The following ITPR2 variants were observed in gnomAD, a reference collection of about 807,000 sequenced individuals.
The protein encoded by ITPR2 is inositol 1,4,5-trisphosphate receptor type 2.
ITPR2 carries 207 observed loss-of-function variants against 317.1 expected under a neutral mutation model. The ratio of observed to expected loss-of-function variants is 0.65; its 90% CI spans 0.58 to 0.73. The LOEUF (loss-of-function observed/expected upper bound fraction) is 0.73, where lower values mean the gene tolerates loss of function less well. Among genes scored for constraint, ITPR2 ranks in the 30% least tolerant of loss-of-function variants. The probability of loss-of-function intolerance (pLI) is 0.00; values close to 1 mark genes in which losing one functional copy is unlikely to be tolerated. For synonymous variants in ITPR2, 1,156 were observed against 1,149.1 expected, an observed-to-expected ratio of 1.01 and a Z score of -0.12; for missense variants, 2,613 against 3,284.0, an observed-to-expected ratio of 0.80 and a Z score of 4.99.
chr12:26,777,591 T>C (rs1949997361), intron 2 of ITPR2, among the ~76,000 whole-genome samples: 2 of 152,330 alleles, frequency 1.3e-5, no homozygotes, highest in South Asian at 4.1e-4. Context: ...CATTGGCTAA[T>C]TAATCACGGT....
At chr12:26,612,574 G>A (rs754326064) in intron 26 of ITPR2, among the ~76,000 whole-genome samples, 1 of 151,982 alleles carries the variant, frequency 6.6e-6, no homozygotes, top group Non-Finnish European at 1.5e-5. Flanking sequence ...TCTCATTTTT[G>A]TTCCCCTTAT....
Position 26,534,636 on chromosome 12 carries a change from C to T in ITPR2, c.5073+15611G>A, listed in dbSNP as rs527511199. On this transcript the variant is annotated intron_variant, in intron 37 of 56. Transcript: ENST00000381340. ...TTATGAAAACCAGAGAATGGAGCTT[C>T]TCTCTCAAGATTTTATGATGTAAAT... 3.1e-4 allele frequency among the ~76,000 whole-genome samples: 47 copies of T among 152,292 alleles called. No individual in the cohort carries two copies. The South Asian group carries it at 4.8e-3, about 15-fold the overall frequency.
At chr12:26,515,308 C>G (rs1406233538) in intron 37 of ITPR2, among the ~76,000 whole-genome samples, 1 of 152,156 alleles carries the variant, frequency 6.6e-6, no homozygotes, top group East Asian at 1.9e-4. Flanking sequence ...AGCAGCATGT[C>G]TCTCATTTTC....
intron 35 of ITPR2, among the ~76,000 whole-genome samples, chr12:26,557,332 G>A (rs1944690580): frequency 1.3e-5 from 2 of 152,114 alleles, no homozygotes; most frequent in African/African-American, 2.4e-5. Flanking sequence ...CATTCTCAGG[G>A]GATGAGCCCC....
At position 26,644,834 on chromosome 12, in the gene ITPR2, G is replaced by A. The variant is rs1195957638; in HGVS notation, c.2740+9142C>T. Among the ~76,000 whole-genome samples, 9 of 152,160 alleles carry A rather than the reference G, an allele frequency of 5.9e-5. 1 individual carries two copies. In the South Asian group the frequency reaches 8.3e-4, roughly 14 times the overall value. ...TGGACCTCCTAGCCTCCTGAACTGT[G>A]AGAAATAATTGCTTGTTGTTTACAA... On this transcript the variant is annotated intron_variant, in intron 21 of 56. Coordinates refer to ENST00000381340, the MANE Select transcript of ITPR2 (RefSeq NM_002223.4).
intron 9 of ITPR2, among the ~76,000 whole-genome samples, chr12:26,710,251 C>T (rs1318347425): frequency 2.6e-5 from 4 of 152,212 alleles, no homozygotes. Flanking sequence ...GCCAGCATCA[C>T]TTACCCTGTG....
intron 49 of ITPR2, among the ~76,000 whole-genome samples, chr12:26,426,312 C>T (rs1261952580): frequency 2.0e-5 from 3 of 152,082 alleles, no homozygotes; most frequent in African/African-American, 7.2e-5. Flanking sequence ...AAGTCAAACA[C>T]ATAGGCTTAG....
chr12:26,380,465 CT>C (rs1371954286), intron 55 of ITPR2, among the ~76,000 whole-genome samples: 1 of 151,990 alleles, frequency 6.6e-6, no homozygotes, highest in African/African-American at 2.4e-5. Context: ...TGGTATCTCC[CT>C]GAACGCTCAA....
At chr12:26,523,108 T>C (rs1943709347) in intron 37 of ITPR2, among the ~76,000 whole-genome samples, 1 of 152,194 alleles carries the variant, frequency 6.6e-6, no homozygotes, top group Non-Finnish European at 1.5e-5. Flanking sequence ...CATCATTGAT[T>C]TTGGTTGTTC....
intron 45 of ITPR2, among the ~76,000 whole-genome samples, chr12:26,450,513 T>G (rs1386663408): frequency 1.3e-5 from 2 of 152,132 alleles, no homozygotes; most frequent in Admixed American, 6.5e-5. Context: ...ATTACTACCC[T>G]GTTAGTAGGG....
At chr12:26,658,411 A>T (rs1947422957) in intron 16 of ITPR2, among the ~76,000 whole-genome samples, 1 of 152,216 alleles carries the variant, frequency 6.6e-6, no homozygotes, top group Admixed American at 6.5e-5. Context: ...TATGTTTAGA[A>T]AATCATTCAT....
In ITPR2 at chr12:26,415,361, A is replaced by G. The variant is rs760097640; in HGVS notation, c.7248T>C (p.Phe2416=). The change falls in exon 51 of 57, where the codon TTT becomes TTC. Residue 2416 remains phenylalanine (F), a synonymous_variant. Coordinates refer to ENST00000381340, the MANE Select transcript of ITPR2 (RefSeq NM_002223.4). ...VYLFSIIGFL[F]LKDDFTMEVD... is the part of the protein sequence containing the mutation. ...CTTCCATAGTGAAGTCATCCTTCAA[A>G]AAAAGGAACCCAATAATGGAAAACA... 8.1e-6 allele frequency: 13 copies of G among 1,612,506 alleles called. No homozygotes were observed. Among genetic ancestry groups the G allele is most frequent in the Non-Finnish European group, 9.3e-6 (11 of 1,179,194 alleles).
Position 26,711,283 on chromosome 12 carries a change from A to G in ITPR2, c.856-15T>C, listed in dbSNP as rs1339061605. ...TGATGAACCACCTACAAAGAGAGCA[A>G]CGATAGTAATGGCAAAACAATATTT... On this transcript the variant is annotated splice_polypyrimidine_tract_variant and intron_variant, in intron 8 of 56. Coordinates refer to ENST00000381340, the MANE Select transcript of ITPR2 (RefSeq NM_002223.4). The G allele has an allele frequency of 1.3e-6, 2 of 1,569,396 alleles. No homozygotes were observed. Among genetic ancestry groups the G allele is most frequent in the Non-Finnish European group, 1.8e-6 (2 of 1,139,160 alleles).
chr12:26,649,750 T>TC (rs897897468), intron 21 of ITPR2, among the ~76,000 whole-genome samples: 1 of 151,760 alleles, frequency 6.6e-6, no homozygotes, highest in African/African-American at 2.4e-5. Flanking sequence ...CACAGCATTA[T>TC]CAGATGTTAC....
At chr12:26,482,275 C>T (rs1486148076) in intron 42 of ITPR2, among the ~76,000 whole-genome samples, 1 of 152,192 alleles carries the variant, frequency 6.6e-6, no homozygotes, top group East Asian at 1.9e-4. Context: ...CCAGAATTTG[C>T]CAGCAATCTT....
chr12:26,426,116 A>G (rs536049791), intron 49 of ITPR2, among the ~76,000 whole-genome samples: 64 of 152,302 alleles, frequency 4.2e-4, no homozygotes, highest in African/African-American at 1.3e-3. Context: ...TGTCTATTAT[A>G]TAACAGAGGC....
In ITPR2 at chr12:26,375,018, G is replaced by A. The variant is rs543366317; in HGVS notation, c.7857+12416C>T. 1.2e-4 allele frequency among the ~76,000 whole-genome samples: 18 copies of A among 152,308 alleles called. 1 individual carries two copies. The South Asian group carries it at 3.3e-3, about 28-fold the overall frequency. ...TTACAATATGGCATGGGCTATGCTA[G>A]CCTATTAAAAACCATTAGACAGAAT... On this transcript the variant is annotated intron_variant, in intron 55 of 56. Coordinates refer to ENST00000381340, the MANE Select transcript of ITPR2 (RefSeq NM_002223.4).
intron 34 of ITPR2, among the ~76,000 whole-genome samples, chr12:26,575,066 T>A (rs1021365904): frequency 2.7e-5 from 4 of 150,094 alleles, no homozygotes; most frequent in African/African-American, 9.9e-5. Context: ...CAGATTTGGA[T>A]GTAGGAGCCA....
intron 45 of ITPR2, among the ~76,000 whole-genome samples, chr12:26,462,846 A>G (rs1268162207): frequency 6.6e-6 from 1 of 151,040 alleles, no homozygotes; most frequent in Non-Finnish European, 1.5e-5. Flanking sequence ...TAATTTTTGT[A>G]TATTTAGTAG....
Sources: gnomAD v4.1 joint callset for allele counts (sites outside exome capture counted in the v4.1 genomes callset) on GRCh38, gnomAD v4.1.1 for gene constraint, MANE v1.5 for transcripts, NCBI Gene and HGNC (gene_info 2026-07-23, HGNC 2026-07-21) for gene names.